DMD: variants seen among roughly 807,000 people sequenced by gnomAD.
DMD encodes the protein dystrophin.
A neutral mutation model predicts 330.1 loss-of-function variants in DMD; 63 were observed. The ratio of observed to expected loss-of-function variants is 0.19; its 90% confidence interval spans 0.16 to 0.24. The LOEUF is 0.24. Ranked by LOEUF, DMD falls within the 10% of genes least tolerant of loss-of-function variation. The probability of loss-of-function intolerance (pLI) is 1.00; values close to 1 mark genes in which losing one functional copy is unlikely to be tolerated. For synonymous variants in DMD, 1,223 were observed against 959.8 expected (o/e 1.27, Z -5.07); for missense variants, 3,344 against 2,684.1 (o/e 1.25, Z -5.43).
chrX:31,730,362 A>G (rs1355011817), intron 51 of DMD, among the ~76,000 whole-genome samples: 1 of 112,080 alleles, frequency 8.9e-6, no homozygotes, highest in Non-Finnish European at 1.9e-5. Context: ...TGCATTTTAA[A>G]TAAATTATCT....
chrX:31,516,303 A>G (rs1052851628), intron 55 of DMD, among the ~76,000 whole-genome samples: 1 of 107,342 alleles, frequency 9.3e-6, no homozygotes, highest in Non-Finnish European at 1.9e-5. Context: ...AAAAACCCGA[A>G]GTGGATCTTT....
chrX:32,655,621 TA>T (rs999184474), intron 9 of DMD, among the ~76,000 whole-genome samples: 10 of 111,990 alleles, frequency 8.9e-5, no homozygotes, highest in African/African-American at 3.2e-4. Flanking sequence ...ATCTGTTGAT[TA>T]GGGGTGGAGA....
intron 7 of DMD, among the ~76,000 whole-genome samples, chrX:32,702,465 G>C (rs1009363916): frequency 9.0e-6 from 1 of 111,385 alleles, no homozygotes; most frequent in Non-Finnish European, 1.9e-5. Context: ...GTGTGTCTTA[G>C]AGAGAGTAGA....
intron 7 of DMD, among the ~76,000 whole-genome samples, chrX:32,793,683 C>A (rs2148647014): frequency 8.9e-6 from 1 of 111,814 alleles, no homozygotes; most frequent in African/African-American, 3.2e-5. Flanking sequence ...TTCCCGGACA[C>A]ATACAACCAA....
At chrX:33,199,239 G>A (rs2051129757) in intron 1 of DMD, among the ~76,000 whole-genome samples, 1 of 111,475 alleles carries the variant, frequency 9.0e-6, no homozygotes, top group African/African-American at 3.3e-5. Context: ...AGGAAAGGCT[G>A]CTGTATTCCT....
At chrX:32,157,444 A>C (rs1368086548) in intron 44 of DMD, among the ~76,000 whole-genome samples, 1 of 112,562 alleles carries the variant, frequency 8.9e-6, no homozygotes, top group Non-Finnish European at 1.9e-5. Context: ...ATAATTTTAC[A>C]GGAGTTGCTA....
In DMD at chrX:31,798,295, A is replaced by C. The variant is rs142157947; in HGVS notation, c.7309+21680T>G. On this transcript the variant is annotated intron_variant, in intron 50 of 78. Coordinates refer to ENST00000357033, the MANE Select transcript of DMD (RefSeq NM_004006.3). ...GATGAGTATTTTTTTTTTTCAAAGC[A>C]AACAACGAGACAGCAGGAGGTTGAA... 1.9e-3 allele frequency among the ~76,000 whole-genome samples: 206 copies of C among 110,632 alleles called. 1 individual carries two copies. Among genetic ancestry groups the C allele is most frequent in the Non-Finnish European group, 3.0e-3 (158 of 52,962 alleles).
intron 62 of DMD, among the ~76,000 whole-genome samples, chrX:31,282,989 A>G (rs1054918102): frequency 9.0e-6 from 1 of 111,717 alleles, no homozygotes; most frequent in Non-Finnish European, 1.9e-5. Flanking sequence ...CTCAAATTTC[A>G]TAACTTTTTC....
chrX:33,024,027 T>G (rs1469185348), intron 1 of DMD, among the ~76,000 whole-genome samples: 2 of 111,962 alleles, frequency 1.8e-5, no homozygotes, highest in Non-Finnish European at 3.8e-5. Context: ...ATTTGTCATA[T>G]TGCTTAAAAG....
intron 49 of DMD, among the ~76,000 whole-genome samples, chrX:31,828,768 T>A (rs1438758394): frequency 1.8e-5 from 2 of 110,037 alleles, no homozygotes; most frequent in African/African-American, 6.6e-5. Flanking sequence ...CAGGACCAGA[T>A]GGATTCACAG....
At chrX:31,629,810 G>A (rs1279379275) in intron 54 of DMD, among the ~76,000 whole-genome samples, 4 of 111,911 alleles carry the variant, frequency 3.6e-5, no homozygotes, top group Non-Finnish European at 1.9e-5. Context: ...ACCTATAAAA[G>A]TGGCAGTTTC....
At chrX:32,723,000 T>C (rs1603271079) in intron 7 of DMD, among the ~76,000 whole-genome samples, 1 of 111,179 alleles carries the variant, frequency 9.0e-6, no homozygotes, top group East Asian at 2.8e-4. Context: ...CCTTGCTTTT[T>C]AGCAAATCTT....
intron 34 of DMD, among the ~76,000 whole-genome samples, chrX:32,370,426 A>G (rs1390587673): frequency 9.0e-6 from 1 of 111,259 alleles, no homozygotes; most frequent in East Asian, 2.8e-4. Flanking sequence ...AAAAGAACAT[A>G]AAGCATTAAA....
intron 1 of DMD, among the ~76,000 whole-genome samples, chrX:33,048,412 G>C (rs759668939): frequency 9.0e-6 from 1 of 110,813 alleles, no homozygotes; most frequent in East Asian, 2.8e-4. Context: ...AAATTCGACT[G>C]GGAGCGGTGG....
intron 55 of DMD, among the ~76,000 whole-genome samples, chrX:31,551,659 T>C (rs1218035052): frequency 8.9e-6 from 1 of 112,457 alleles, no homozygotes; most frequent in African/African-American, 3.2e-5. Context: ...GCGAAAGCTG[T>C]GGCACAGAAG....
intron 1 of DMD, among the ~76,000 whole-genome samples, chrX:33,058,160 G>A (rs1218018808): frequency 2.7e-5 from 3 of 111,768 alleles, no homozygotes; most frequent in Admixed American, 1.9e-4. Flanking sequence ...GATTACAGGC[G>A]TGAGCCACCT....
chrX:32,896,027 G>A (rs929765503), intron 2 of DMD, among the ~76,000 whole-genome samples: 7 of 111,558 alleles, frequency 6.3e-5, no homozygotes, highest in African/African-American at 2.3e-4. Flanking sequence ...CGGCTGTAAT[G>A]ACTTATAAGA....
intron 60 of DMD, among the ~76,000 whole-genome samples, chrX:31,361,266 T>G (rs979482366): frequency 1.8e-5 from 2 of 111,461 alleles, no homozygotes; most frequent in African/African-American, 6.6e-5. Context: ...TACCAGGACT[T>G]AAATCTGGAA....
chrX:32,627,842 A>G (rs1200168879), intron 11 of DMD, among the ~76,000 whole-genome samples: 1 of 111,168 alleles, frequency 9.0e-6, no homozygotes, highest in Non-Finnish European at 1.9e-5. Flanking sequence ...TCTTGAGACA[A>G]TTGTTCTTAG....
Sources: allele counts gnomAD v4.1 joint callset (sites outside exome capture counted in the v4.1 genomes callset), GRCh38; gene constraint gnomAD v4.1.1; transcripts MANE v1.5; gene names NCBI Gene and HGNC (gene_info 2026-07-23, HGNC 2026-07-21).